SAMD11: variants seen among roughly 807,000 people sequenced by gnomAD.
SAMD11 encodes sterile alpha motif domain containing 11.
SAMD11 carries 77 observed loss-of-function variants against 64.4 expected under a neutral mutation model. The ratio of observed to expected loss-of-function variants is 1.20; its 90% CI spans 0.99 to 1.44. The LOEUF (loss-of-function observed/expected upper bound fraction) is 1.44, where lower values mean the gene tolerates loss of function less well. Among genes scored for constraint, SAMD11 ranks in the 40% most tolerant of loss-of-function variants. SAMD11 has a pLI of 0.00. For synonymous variants in SAMD11, 658 were observed against 421.9 expected, an observed-to-expected ratio of 1.56 and a Z score of -6.86; for missense variants, 1,402 against 943.3, an observed-to-expected ratio of 1.49 and a Z score of -6.37.
chr1:930,273 C>T lies in SAMD11; in HGVS notation c.728C>T (p.Thr243Ile). 1 of 1,608,648 alleles carries T rather than the reference C, an allele frequency of 6.2e-7. No individual in the cohort carries two copies. Among genetic ancestry groups the T allele is most frequent in the Non-Finnish European group, 8.5e-7 (1 of 1,178,008 alleles). ...SDGDSDGSGP[T>I]CGRRPGLKQE... ...GGTGACAGCGACGGGAGTGGCCCCA[C>T]CTGTGGGCGGCGGCCAGGCTTGAAG... The change falls in exon 3 of 14, where the codon ACC becomes ATC. Residue 243 changes from threonine to isoleucine, a missense_variant. Coordinates refer to ENST00000616016, the MANE Select transcript of SAMD11 (RefSeq NM_001385641.1).
At chr1:937,617 C>T (rs1287076455) in intron 5 of SAMD11, among the ~76,000 whole-genome samples, 2 of 150,898 alleles carry the variant, frequency 1.3e-5, no homozygotes, top group Admixed American at 1.3e-4. Context: ...CCACCGAGCT[C>T]TGGCACGGGA....
At chr1:935,472 CTG>C (rs969617879) in intron 4 of SAMD11, among the ~76,000 whole-genome samples, 2 of 152,268 alleles carry the variant, frequency 1.3e-5, no homozygotes, top group African/African-American at 2.4e-5. Flanking sequence ...AGTGAGATAA[CTG>C]TGATTCCCTG....
chr1:935,483 T>C (rs1569887770), intron 4 of SAMD11, among the ~76,000 whole-genome samples: 1 of 152,068 alleles, frequency 6.6e-6, no homozygotes, highest in East Asian at 1.9e-4. Context: ...TGTGATTCCC[T>C]GTGGAGGGCG....
intron 7 of SAMD11, chr1:940,365 G>A (rs997459182): frequency 5.3e-5 from 8 of 150,490 alleles, no homozygotes; most frequent in Non-Finnish European, 1.2e-4. Flanking sequence ...CGCTAGCGCG[G>A]GGGCGCTGGG....
At chr1:930,951 C>A in intron 3 of SAMD11, 88 bp from the exon 4 acceptor site, 1 of 1,347,632 alleles carries the variant, frequency 7.4e-7, no homozygotes, top group Non-Finnish European at 1.1e-6. Flanking sequence ...GGCACTGACC[C>A]GAGACAGGTC....
intron 7 of SAMD11, among the ~76,000 whole-genome samples, chr1:939,848 G>C (rs972106265): frequency 6.6e-6 from 1 of 152,120 alleles, no homozygotes; most frequent in Non-Finnish European, 1.5e-5. Context: ...CAGAAAGGCC[G>C]GGCTGGGTGC....
chr1:941,383 G>A lies in SAMD11; in HGVS notation c.1358+77G>A, dbSNP rs1569909663. ...CCCGCGCTCTCAGCCACCAGCACGC[G>A]CCCCGAGAGTGCCAAGCACTGTGTT... On this transcript the variant is annotated intron_variant, in intron 8 of 13. Coordinates refer to ENST00000616016, the MANE Select transcript of SAMD11 (RefSeq NM_001385641.1). 48 of 1,356,168 alleles carry A rather than the reference G, an allele frequency of 3.5e-5. No homozygotes were observed. In the East Asian group the frequency reaches 1.0e-3, roughly 29 times the overall value. The allele number at this position is 1,356,168 out of a possible 1,614,324, so 84.0% of individuals were successfully genotyped here. A position where few individuals can be genotyped will look rare whatever the true frequency, so the allele number is the denominator to read the frequency against.
chr1:943,504 G>C (rs1197245207), intron 12 of SAMD11, 127 bp downstream of exon 12: 1 of 984,426 alleles, frequency 1.0e-6, no homozygotes, highest in East Asian at 2.6e-5. Context: ...GTGCGCAGCA[G>C]GGACTGGACT....
intron 2 of SAMD11, among the ~76,000 whole-genome samples, chr1:929,079 A>G (rs965125873): frequency 1.3e-5 from 2 of 152,220 alleles, no homozygotes; most frequent in East Asian, 3.9e-4. Flanking sequence ...CCTCCCGCCC[A>G]CTGGAAAATA....
At position 944,098 on chromosome 1, in the gene SAMD11, A is replaced by G; in HGVS notation, c.2480A>G (p.Asn827Ser). The G allele has an allele frequency of 6.2e-7, 1 of 1,611,628 alleles. No individual in the cohort carries two copies. The highest frequency in any genetic ancestry group is 8.5e-7 in the Non-Finnish European group (1 of 1,179,340). ...GGTCAAACTTCACCCAAGCAGGAGA[A>G]TGGGACCTTGGCTCTACTTCCAGGG... ...LAGQTSPKQE[N>S]GTLALLPGAP... Residue 827 changes from asparagine (N) to serine (S), a missense_variant, in exon 14 of 14, where the codon AAT becomes AGT. Asn to Ser is a conservative substitution (Grantham distance 46). Coordinates refer to ENST00000616016, the MANE Select transcript of SAMD11 (RefSeq NM_001385641.1).
At chr1:942,323 G>A in intron 9 of SAMD11, 72 bp downstream of exon 9, 1 of 1,081,650 alleles carries the variant, frequency 9.2e-7, no homozygotes, top group Non-Finnish European at 1.2e-6. Flanking sequence ...CCCTGTCGGA[G>A]CCGAGACGGA....
At chr1:940,416 C>G (rs1328306745) in intron 7 of SAMD11, 2 of 151,992 alleles carry the variant, frequency 1.3e-5, no homozygotes, top group African/African-American at 4.8e-5. Context: ...CGGCTGGGCT[C>G]TGCGGGCTGG....
chr1:926,729 C>T (rs1445947211), intron 2 of SAMD11, among the ~76,000 whole-genome samples: 3 of 152,110 alleles, frequency 2.0e-5, no homozygotes, highest in African/African-American at 4.8e-5. Flanking sequence ...GTCTCCAGCC[C>T]CCTAGTTGGG....
intron 4 of SAMD11, among the ~76,000 whole-genome samples, chr1:935,489 G>A (rs552179723): frequency 2.0e-5 from 3 of 152,312 alleles, no homozygotes; most frequent in South Asian, 4.1e-4. Flanking sequence ...TCCCTGTGGA[G>A]GGCGTGAAGG....
At chr1:941,011 G>A (rs1397506918) in intron 7 of SAMD11, 133 bp from the exon 8 acceptor site, 2 of 761,412 alleles carry the variant, frequency 2.6e-6, no homozygotes, top group Non-Finnish European at 4.1e-6. Context: ...CCCCGTGCCC[G>A]AGACCAGCCC....
Position 925,989 on chromosome 1 carries a change from G to C in SAMD11, c.585G>C (p.Pro195=). 6.2e-7 allele frequency: 1 copy of C among 1,612,030 alleles called. No homozygotes were observed. The highest frequency in any genetic ancestry group is 8.5e-7 in the Non-Finnish European group (1 of 1,179,946). The change falls in exon 2 of 14, where the codon CCG becomes CCC. Residue 195 remains proline (P), a synonymous_variant. Coordinates refer to ENST00000616016, the MANE Select transcript of SAMD11 (RefSeq NM_001385641.1). ...LQVHPPICDC[P]GCRISSPVNR... ...TGCATCCTCCGATCTGCGACTGCCC[G>C]GGCTGCCGAATATCCTCCCCGGTGG...
Position 935,057 on chromosome 1 carries a change from G to GA in SAMD11, c.843-714dup, listed in dbSNP as rs1255031196. Among the ~76,000 whole-genome samples the GA allele has an allele frequency of 3.9e-5, 6 of 152,138 alleles. 1 individual carries two copies. Among genetic ancestry groups the GA allele is most frequent in the Admixed American group, 3.9e-4 (6 of 15,286 alleles). On this transcript the variant is annotated intron_variant, in intron 4 of 13. Coordinates refer to ENST00000616016, the MANE Select transcript of SAMD11 (RefSeq NM_001385641.1). The stretch of plus-strand genomic sequence containing the variant: ...AGGCTCACGGAACCGGGAAGGGGTG[G>GA]AGGGCCGTGCTCCACACAGTTCGTC...
At position 943,898 on chromosome 1, in the gene SAMD11, C is replaced by G; in HGVS notation, c.2290-10C>G. On this transcript the variant is annotated splice_polypyrimidine_tract_variant and intron_variant, in intron 13 of 13. Coordinates refer to ENST00000616016, the MANE Select transcript of SAMD11 (RefSeq NM_001385641.1). The stretch of plus-strand genomic sequence containing the variant: ...TGTGCGACAGCCCCCACCAGGCCAT[C>G]TCTCTGCAGGTGGCCAGGCGCCTGG... 2 of 1,612,990 alleles carry G rather than the reference C, an allele frequency of 1.2e-6. No homozygotes were observed. The highest frequency in any genetic ancestry group is 1.7e-6 in the Non-Finnish European group (2 of 1,179,986).
chr1:928,688 C>A (rs932422118), intron 2 of SAMD11, among the ~76,000 whole-genome samples: 1 of 152,262 alleles, frequency 6.6e-6, no homozygotes, highest in Non-Finnish European at 1.5e-5. Flanking sequence ...CCCAGCAGTG[C>A]TGCGTTTTCC....
Sources: allele counts gnomAD v4.1 joint callset (sites outside exome capture counted in the v4.1 genomes callset), GRCh38; gene constraint gnomAD v4.1.1; transcripts MANE v1.5; gene names NCBI Gene and HGNC (gene_info 2026-07-23, HGNC 2026-07-21).